The following CSMD3 variants were observed in gnomAD, a reference collection of about 807,000 sequenced individuals.
The protein encoded by CSMD3 is CUB and Sushi multiple domains 3.
A neutral mutation model predicts 435.2 loss-of-function variants in CSMD3; 177 were observed. The observed-to-expected ratio is 0.41, with a 90% CI of 0.36 to 0.46. CSMD3 has a LOEUF of 0.46. Ranked by LOEUF, CSMD3 falls within the 20% of genes least tolerant of loss-of-function variation. The pLI is 0.34. For missense variants in CSMD3, 4,265 were observed against 4,504.6 expected (o/e 0.95, Z 1.52); for synonymous variants, 1,656 against 1,520.5 (o/e 1.09, Z -2.07).
chr8:112,319,560 T>A (rs1822794260), intron 46 of CSMD3, among the ~76,000 whole-genome samples: 1 of 152,164 alleles, frequency 6.6e-6, no homozygotes, highest in African/African-American at 2.4e-5. Context: ...TTCTGCCAAG[T>A]CAGGCATAGG....
intron 5 of CSMD3, among the ~76,000 whole-genome samples, chr8:113,039,750 G>A (rs983366811): frequency 6.6e-6 from 1 of 152,112 alleles, no homozygotes; most frequent in Non-Finnish European, 1.5e-5. Context: ...TACAGAATTG[G>A]CCAGATAGTT....
chr8:112,701,017 C>G (rs1017732197), intron 13 of CSMD3, among the ~76,000 whole-genome samples: 1 of 152,132 alleles, frequency 6.6e-6, no homozygotes, highest in Non-Finnish European at 1.5e-5. Context: ...CAGTAACATA[C>G]CACCTTATAT....
intron 3 of CSMD3, among the ~76,000 whole-genome samples, chr8:113,250,006 G>A (rs1024532074): frequency 6.6e-6 from 1 of 151,998 alleles, no homozygotes; most frequent in Non-Finnish European, 1.5e-5. Flanking sequence ...ATAGAAAGTT[G>A]CTTATTCAAT....
At position 112,538,518 on chromosome 8, in the gene CSMD3, C is replaced by G. The variant is rs538899782; in HGVS notation, c.4564+12153G>C. On this transcript the variant is annotated intron_variant, in intron 27 of 70. Transcript: ENST00000297405. Reference sequence around the variant, plus strand: ...TCAGTAATGTGGCAGGATACAAAATCAACATACAAAACTCAGTAGCATTTT... The same window carrying G: ...TCAGTAATGTGGCAGGATACAAAATGAACATACAAAACTCAGTAGCATTTT... Among the ~76,000 whole-genome samples, 11 of 151,856 alleles carry G rather than the reference C, an allele frequency of 7.2e-5. No homozygotes were observed. The South Asian group carries it at 1.0e-3, about 14-fold the overall frequency.
chr8:113,385,401 A>T (rs1364485005), intron 1 of CSMD3, among the ~76,000 whole-genome samples: 1 of 152,148 alleles, frequency 6.6e-6, no homozygotes, highest in Non-Finnish European at 1.5e-5. Flanking sequence ...TTAAAGACAG[A>T]TCTTGCTTAT....
At chr8:113,188,912 T>C (rs2092546564) in intron 3 of CSMD3, among the ~76,000 whole-genome samples, 1 of 151,928 alleles carries the variant, frequency 6.6e-6, no homozygotes, top group African/African-American at 2.4e-5. Flanking sequence ...TGTGAGTTTC[T>C]TAATATCATC....
rs775806426 is a variant in CSMD3 at position 112,406,561 on chromosome 8, A to G, written c.5772T>C (p.Ser1924=). ...GTAAGGAATCATTCCACTGGGCCAA[A>G]GAATTGGGCACTGTTTCACACCTAA... ...IAIRCETVPN[S]LAQWNDSLPT... is the part of the protein sequence containing the mutation. Residue 1924 remains serine (S), a synonymous_variant, in exon 35 of 71, where the codon TCT becomes TCC. Transcript: ENST00000297405. 6.2e-7 allele frequency: 1 copy of G among 1,612,022 alleles called. No individual in the cohort carries two copies. The highest frequency in any genetic ancestry group is 8.5e-7 in the Non-Finnish European group (1 of 1,178,502).
intron 3 of CSMD3, among the ~76,000 whole-genome samples, chr8:113,210,118 C>T (rs918622590): frequency 1.3e-5 from 2 of 151,176 alleles, no homozygotes; most frequent in African/African-American, 4.8e-5. Flanking sequence ...TTAGGTTCAG[C>T]TACTGGAAGT....
intron 5 of CSMD3, among the ~76,000 whole-genome samples, chr8:113,035,038 A>T (rs2087282112): frequency 6.6e-6 from 1 of 152,034 alleles, no homozygotes; most frequent in South Asian, 2.1e-4. Flanking sequence ...TACACTATTG[A>T]GTTAGAATTG....
At chr8:113,022,581 T>G (rs2086721528) in intron 5 of CSMD3, among the ~76,000 whole-genome samples, 1 of 151,652 alleles carries the variant, frequency 6.6e-6, no homozygotes, top group Admixed American at 6.6e-5. Context: ...AAAGTTTCCA[T>G]TGTTTTAATA....
intron 2 of CSMD3, among the ~76,000 whole-genome samples, chr8:113,308,748 T>C (rs1200886007): frequency 1.3e-5 from 2 of 152,212 alleles, no homozygotes; most frequent in Non-Finnish European, 2.9e-5. Flanking sequence ...ATAGAAGTTA[T>C]AATTATTGTT....
intron 5 of CSMD3, among the ~76,000 whole-genome samples, chr8:113,084,716 T>A (rs2131471268): frequency 6.7e-6 from 1 of 148,638 alleles, no homozygotes; most frequent in East Asian, 2.0e-4. Flanking sequence ...CAAAATATAG[T>A]ACAAAACTAT....
In CSMD3 at chr8:112,443,353, T is replaced by A. The variant is rs368982070; in HGVS notation, c.5395+29238A>T. On this transcript the variant is annotated intron_variant, in intron 32 of 70. Transcript: ENST00000297405. ...GAGTATAATTTGGCCAAAGTCCAAA[T>A]AGGAAGAAAGAATGAATGATACATT... Among the ~76,000 whole-genome samples the A allele has an allele frequency of 1.3e-4, 20 of 152,310 alleles. 1 individual carries two copies. The South Asian group carries it at 3.5e-3, about 27-fold the overall frequency.
intron 3 of CSMD3, among the ~76,000 whole-genome samples, chr8:113,218,117 T>TAC (rs1014541381): frequency 2.1e-4 from 32 of 149,844 alleles, no homozygotes; most frequent in African/African-American, 7.8e-4. Context: ...TATATATATA[T>TAC]ATTTTAATAT....
intron 1 of CSMD3, among the ~76,000 whole-genome samples, chr8:113,427,723 T>C (rs1229293037): frequency 6.6e-6 from 1 of 151,644 alleles, no homozygotes; most frequent in Non-Finnish European, 1.5e-5. Context: ...GAAAAATATG[T>C]ATTTGCCCCT....
chr8:112,471,670 C>T (rs1345423912), intron 32 of CSMD3, among the ~76,000 whole-genome samples: 3 of 152,082 alleles, frequency 2.0e-5, no homozygotes, highest in Non-Finnish European at 2.9e-5. Context: ...GAAGCATCAG[C>T]TTATTTTATA....
intron 5 of CSMD3, among the ~76,000 whole-genome samples, chr8:113,055,475 T>C (rs533824054): frequency 6.6e-6 from 1 of 152,316 alleles, no homozygotes; most frequent in East Asian, 1.9e-4. Flanking sequence ...CTTTTCTGAG[T>C]GTGCACTTTT....
intron 4 of CSMD3, among the ~76,000 whole-genome samples, chr8:113,153,130 A>AGAAAGAAAGAAAGAAAGAGAAGGAAG (rs2091859152): frequency 1.7e-4 from 14 of 82,734 alleles, no homozygotes; most frequent in African/African-American, 8.2e-4. Context: ...AGAAAGAGAA[A>AGAAAGAAAGAAAGAAAGAGAAGGAAG]GAAGGAAGGA....
At chr8:112,568,447 T>C (rs761068863) in intron 24 of CSMD3, among the ~76,000 whole-genome samples, 2 of 151,278 alleles carry the variant, frequency 1.3e-5, no homozygotes, top group Admixed American at 1.3e-4. Context: ...ACAAAAAAAT[T>C]AGCCAGGCAT....
Sources: allele counts gnomAD v4.1 joint callset (sites outside exome capture counted in the v4.1 genomes callset), GRCh38; gene constraint gnomAD v4.1.1; transcripts MANE v1.5; gene names NCBI Gene and HGNC (gene_info 2026-07-23, HGNC 2026-07-21).